The following CENPM variants were observed in gnomAD, a reference collection of about 807,000 sequenced individuals.
CENPM encodes interphase centromere complex protein 39.
Under a neutral mutation model 19.6 loss-of-function variants are expected in CENPM, and 14 were observed. The observed-to-expected ratio is 0.71, with a 90% CI of 0.47 to 1.11. The LOEUF (loss-of-function observed/expected upper bound fraction) is 1.11. CENPM is among the 50% of genes most tolerant of loss of function. The pLI is 0.00. For synonymous variants in CENPM, 114 were observed against 101.5 expected (o/e 1.12, Z -0.74); for missense variants, 239 against 228.4 (o/e 1.05, Z -0.30).
At chr22:41,939,493 C>T (rs1321534596) in intron 5 of CENPM, among the ~76,000 whole-genome samples, 2 of 152,162 alleles carry the variant, frequency 1.3e-5, no homozygotes, top group Non-Finnish European at 2.9e-5. Context: ...TCTAGGGTCA[C>T]CCAGCTAGTG....
At chr22:41,939,886 GAA>G (rs1346309338) in intron 5 of CENPM, among the ~76,000 whole-genome samples, 6 of 105,034 alleles carry the variant, frequency 5.7e-5, no homozygotes, top group African/African-American at 1.8e-4. Context: ...GAAAAAGAAA[GAA>G]AGAAAGAAAG....
At chr22:41,929,935 CTTTTTTTTTTTT>C in the CENPM span, among the ~76,000 whole-genome samples, 19 of 97,674 alleles carry the variant, frequency 1.9e-4, no homozygotes, top group African/African-American at 8.7e-4. Context: ...TTCCCCGTGG[CTTTTTTTTTTTT>C]TTTTTTTTTT....
At chr22:41,928,213 G>A in the CENPM span, 13 of 381,740 alleles carry the variant, frequency 3.4e-5, no homozygotes, top group Admixed American at 8.6e-5. This position sits in a 1 kb window ranked among gnomAD's most constrained non-coding sequence, Gnocchi z 4.0. Flanking sequence ...AGGGAAGCCC[G>A]CCCACACCTG....
chr22:41,946,900 C>T (rs2077811788), intron 1 of CENPM, 120 bp downstream of exon 1: 2 of 1,021,562 alleles, frequency 2.0e-6, no homozygotes, highest in South Asian at 2.8e-5. Context: ...CCGCCTATTC[C>T]CCGCCCCCGC....
chr22:41,928,154 A>G, the CENPM span: 1 of 428,406 alleles, frequency 2.3e-6, no homozygotes, highest in Non-Finnish European at 4.7e-6. This position sits in a 1 kb window ranked among gnomAD's most constrained non-coding sequence, Gnocchi z 4.0. Flanking sequence ...TTGTGCAGGG[A>G]GGACCCAGGA....
intron 5 of CENPM, among the ~76,000 whole-genome samples, chr22:41,939,802 GAAAGAAAAAGAAAGAA>G (rs2077711846): frequency 9.3e-6 from 1 of 107,124 alleles, no homozygotes; most frequent in East Asian, 2.5e-4. Context: ...GAAAGAAAAA[GAAAGAAAAAGAAAGAA>G]AAAGAAAGAA....
chr22:41,946,516 G>T lies in CENPM; in HGVS notation c.58-20C>A. The T allele has an allele frequency of 2.5e-6, 4 of 1,609,012 alleles. No individual in the cohort carries two copies. The highest frequency in any genetic ancestry group is 2.5e-6 in the Non-Finnish European group (3 of 1,177,068). ...CACCAGCTGCGCAGGGAGAGAGAGC[G>T]GACAGTCGAGCCCTAGGCACAGCAC... On this transcript the variant is annotated intron_variant, in intron 1 of 5. Coordinates refer to ENST00000215980, the MANE Select transcript of CENPM (RefSeq NM_024053.5).
chr22:41,946,989 C>T (rs780880430), intron 1 of CENPM, 31 bp downstream of exon 1: 1 of 1,610,476 alleles, frequency 6.2e-7, no homozygotes, highest in Non-Finnish European at 8.5e-7. Context: ...GAGGAAAAAC[C>T]GGCGGGGGAA....
At chr22:41,936,965 G>A (rs571981761), downstream of CENPM, among the ~76,000 whole-genome samples, 12 of 152,202 alleles carry the variant, frequency 7.9e-5, no homozygotes, top group Non-Finnish European at 1.0e-4. Flanking sequence ...GACAGGCCCC[G>A]AGGTGCTGGT....
chr22:41,945,469 T>G, intron 3 of CENPM, 165 bp from the exon 4 acceptor site: 1 of 1,130,358 alleles, frequency 8.8e-7, no homozygotes, highest in Non-Finnish European at 1.2e-6. Context: ...TTTTTTTTTT[T>G]AGATGGAGTT....
the CENPM span, among the ~76,000 whole-genome samples, chr22:41,930,992 A>G: frequency 6.6e-6 from 1 of 151,482 alleles, no homozygotes; most frequent in Admixed American, 6.6e-5. Context: ...ACGTGCCACC[A>G]TGCCCAGCTA....
intron 5 of CENPM, among the ~76,000 whole-genome samples, chr22:41,940,683 G>A (rs1294072456): frequency 2.6e-5 from 4 of 152,194 alleles, no homozygotes; most frequent in Admixed American, 6.5e-5. Context: ...CCAGCAGGAA[G>A]CTGGGGTTTT....
At chr22:41,935,726 C>A (rs1225916969), downstream of CENPM, among the ~76,000 whole-genome samples, 4 of 152,216 alleles carry the variant, frequency 2.6e-5, no homozygotes, top group Non-Finnish European at 4.4e-5. Flanking sequence ...CCTATCCTGC[C>A]ACCCCCTGCC....
downstream of CENPM, among the ~76,000 whole-genome samples, chr22:41,935,162 C>T (rs898014293): frequency 2.0e-5 from 3 of 152,228 alleles, no homozygotes; most frequent in African/African-American, 7.2e-5. Context: ...TTCCCCAGTG[C>T]TTGGAAGGTT....
intron 2 of CENPM, 56 bp from the exon 3 acceptor site, chr22:41,946,061 G>C (rs539791245): frequency 1.4e-6 from 2 of 1,421,684 alleles, no homozygotes; most frequent in African/African-American, 2.8e-5. Context: ...CATAGCGACC[G>C]TTTAAATGCT....
At chr22:41,931,232 A>G in the CENPM span, among the ~76,000 whole-genome samples, 1 of 149,624 alleles carries the variant, frequency 6.7e-6, no homozygotes, top group South Asian at 2.2e-4. Context: ...ACTTTGGGAG[A>G]CCGAGGCGGG....
chr22:41,938,744 T>A lies in CENPM; in HGVS notation c.*312A>T, dbSNP rs6002547. The A allele has an allele frequency of 0.044, 12,955 of 295,368 alleles. 1,570 individuals carry two copies. Among genetic ancestry groups the A allele is most frequent in the African/African-American group, 0.26 (11,938 of 46,178 alleles). The allele number at this position is 295,368 out of a possible 1,614,324, so 18.3% of individuals were successfully genotyped here. A position where few individuals can be genotyped will look rare whatever the true frequency, so the allele number is the denominator to read the frequency against. On this transcript the variant is annotated 3_prime_UTR_variant, in exon 6 of 6. Coordinates refer to ENST00000215980, the MANE Select transcript of CENPM (RefSeq NM_024053.5). ...AGTGGTGAATGAGACCAGTGATTTT[T>A]AAACTTTTTTTAGCCACAGACCTTT...
chr22:41,944,723 GGA>G, intron 4 of CENPM: 1 of 985,436 alleles, frequency 1.0e-6, no homozygotes, highest in Non-Finnish European at 1.2e-6. Flanking sequence ...ACCCAGAGAA[GGA>G]GAGTCACCGG....
chr22:41,933,624 G>A, the CENPM span, among the ~76,000 whole-genome samples: 7 of 152,046 alleles, frequency 4.6e-5, no homozygotes, highest in African/African-American at 1.7e-4. Context: ...ACTCAGGTGG[G>A]ACCCGCAGAC....
Sources: allele counts gnomAD v4.1 joint callset (sites outside exome capture counted in the v4.1 genomes callset), GRCh38; gene constraint gnomAD v4.1.1; non-coding constraint Gnocchi (gnomAD v3.1); transcripts MANE v1.5; gene names NCBI Gene and HGNC (gene_info 2026-07-23, HGNC 2026-07-21).